Variants in NLGN1 observed in about 807,000 individuals in gnomAD.
NLGN1 encodes the protein neuroligin-1.
NLGN1 carries 12 observed loss-of-function variants against 65.5 expected under a neutral mutation model. The ratio of observed to expected loss-of-function variants is 0.18; its 90% CI spans 0.12 to 0.30. The LOEUF (loss-of-function observed/expected upper bound fraction) is 0.30, where lower values mean the gene tolerates loss of function less well. NLGN1 is among the 10% of genes least tolerant of loss of function. The pLI, the probability that NLGN1 is intolerant of heterozygous loss-of-function variation, is 1.00. For synonymous variants in NLGN1, 350 were observed against 359.5 expected (o/e 0.97, Z 0.30); for missense variants, 750 against 1,007.1 (o/e 0.74, Z 3.46).
intron 3 of NLGN1, among the ~76,000 whole-genome samples, chr3:173,743,179 A>T (rs1023885198): frequency 3.3e-5 from 5 of 152,138 alleles, no homozygotes; most frequent in African/African-American, 1.2e-4. Context: ...CACTTCAGCA[A>T]TAGATGGTAA....
intron 2 of NLGN1, among the ~76,000 whole-genome samples, chr3:173,522,465 C>G (rs555041354): frequency 6.6e-6 from 1 of 152,280 alleles, no homozygotes; most frequent in African/African-American, 2.4e-5. Context: ...GAGTCTTGCT[C>G]AGTCGCCCAG....
chr3:173,664,872 A>G (rs551729814), intron 3 of NLGN1, among the ~76,000 whole-genome samples: 8 of 152,100 alleles, frequency 5.3e-5, no homozygotes, highest in African/African-American at 1.9e-4. Flanking sequence ...TTATTATTTT[A>G]TATGTGTTTG....
chr3:173,475,469 T>C (rs940663337), intron 2 of NLGN1, among the ~76,000 whole-genome samples: 16 of 152,212 alleles, frequency 1.1e-4, no homozygotes, highest in African/African-American at 3.9e-4. Context: ...ACTGTTTTTA[T>C]TTCCAAATCT....
At chr3:173,876,246 G>A (rs527461369) in intron 4 of NLGN1, among the ~76,000 whole-genome samples, 12 of 152,142 alleles carry the variant, frequency 7.9e-5, no homozygotes, top group East Asian at 1.9e-4. Context: ...TGGTTGAGTC[G>A]GAACAGGTCA....
At chr3:174,229,751 C>A (rs1011865645) in intron 4 of NLGN1, among the ~76,000 whole-genome samples, 1 of 152,122 alleles carries the variant, frequency 6.6e-6, no homozygotes, top group Non-Finnish European at 1.5e-5. Flanking sequence ...TTCCATTTTA[C>A]TGTAATTGCG....
chr3:173,502,983 T>C (rs1271961692), intron 2 of NLGN1, among the ~76,000 whole-genome samples: 4 of 152,116 alleles, frequency 2.6e-5, no homozygotes, highest in Non-Finnish European at 5.9e-5. Context: ...ATTATATATG[T>C]AATTTTATAG....
chr3:174,078,186 G>A (rs943604741), intron 4 of NLGN1, among the ~76,000 whole-genome samples: 3 of 152,134 alleles, frequency 2.0e-5, no homozygotes, highest in Non-Finnish European at 4.4e-5. Context: ...AGGTAAGATA[G>A]ATTATTTTGC....
At chr3:173,695,165 T>TA (rs562940268) in intron 3 of NLGN1, among the ~76,000 whole-genome samples, 15 of 151,876 alleles carry the variant, frequency 9.9e-5, no homozygotes, top group South Asian at 2.1e-4. Flanking sequence ...ATACTTCATT[T>TA]AAAAAAAATA....
intron 1 of NLGN1, among the ~76,000 whole-genome samples, chr3:173,433,602 T>C (rs1338792479): frequency 6.6e-6 from 1 of 152,222 alleles, no homozygotes; most frequent in African/African-American, 2.4e-5. Flanking sequence ...TATTTTTGCT[T>C]GTATGGTGCA....
intron 4 of NLGN1, among the ~76,000 whole-genome samples, chr3:173,843,072 A>T (rs1353339719): frequency 6.6e-6 from 1 of 152,186 alleles, no homozygotes; most frequent in African/African-American, 2.4e-5. Context: ...CAGGCTCAAC[A>T]CCATGTTGAA....
At chr3:173,524,544 A>G (rs10212116) in intron 2 of NLGN1, among the ~76,000 whole-genome samples, 7,722 of 152,178 alleles carry the variant, frequency 0.051, 615 homozygotes, top group African/African-American at 0.18. Context: ...TCTAATCAGG[A>G]TGTCTTTTAT....
chr3:173,493,596 C>T (rs762178567), intron 2 of NLGN1, among the ~76,000 whole-genome samples: 6 of 151,754 alleles, frequency 4.0e-5, no homozygotes, highest in Non-Finnish European at 7.4e-5. Flanking sequence ...TTCATAAACT[C>T]TTTCAGTGTT....
intron 4 of NLGN1, among the ~76,000 whole-genome samples, chr3:174,262,670 G>A (rs1185531437): frequency 6.6e-6 from 1 of 151,094 alleles, no homozygotes; most frequent in Non-Finnish European, 1.5e-5. Flanking sequence ...AGGGTTTTTT[G>A]TGTCTCTATT....
At chr3:173,646,325 C>T (rs1758270754) in intron 3 of NLGN1, among the ~76,000 whole-genome samples, 1 of 152,178 alleles carries the variant, frequency 6.6e-6, no homozygotes, top group African/African-American at 2.4e-5. Flanking sequence ...TAATCGTTTC[C>T]TGCTACTGAA....
Position 173,830,527 on chromosome 3 carries a change from A to G in NLGN1, c.646+22695A>G, listed in dbSNP as rs868620778. Among the ~76,000 whole-genome samples, 3 of 152,154 alleles carry G rather than the reference A, an allele frequency of 2.0e-5. No individual in the cohort carries two copies. In the South Asian group the frequency reaches 6.2e-4, roughly 32 times the overall value. The stretch of plus-strand genomic sequence containing the variant: ...CAAAATAGATTGGCATTATCCATCT[A>G]TTTGGGACACATGGTTGCTTTATTA... On this transcript the variant is annotated intron_variant, in intron 4 of 6. Transcript: ENST00000457714.
intron 4 of NLGN1, among the ~76,000 whole-genome samples, chr3:173,881,993 G>A (rs1480444619): frequency 3.9e-5 from 6 of 152,110 alleles, no homozygotes; most frequent in African/African-American, 1.4e-4. Flanking sequence ...AGACTTGAAA[G>A]CAAAAATTAC....
intron 4 of NLGN1, among the ~76,000 whole-genome samples, chr3:173,829,758 G>A (rs773727098): frequency 1.3e-5 from 2 of 152,110 alleles, no homozygotes; most frequent in African/African-American, 4.8e-5. Flanking sequence ...TACCTGATTT[G>A]TTCTCTCAAA....
intron 4 of NLGN1, among the ~76,000 whole-genome samples, chr3:173,849,191 T>A (rs1004341087): frequency 1.6e-4 from 25 of 152,154 alleles, no homozygotes; most frequent in Non-Finnish European, 2.1e-4. Context: ...ATCTTTTCTT[T>A]TAAATTAATG....
intron 4 of NLGN1, among the ~76,000 whole-genome samples, chr3:174,103,879 G>T (rs1713129128): frequency 6.6e-6 from 1 of 151,626 alleles, no homozygotes; most frequent in East Asian, 1.9e-4. Context: ...TTTCATTTCT[G>T]TGTTATAGCT....
Sources: gnomAD v4.1 joint callset for allele counts (sites outside exome capture counted in the v4.1 genomes callset) on GRCh38, gnomAD v4.1.1 for gene constraint, MANE v1.5 for transcripts, NCBI Gene and HGNC (gene_info 2026-07-23, HGNC 2026-07-21) for gene names.